The following NR2F1-AS1 variants were observed in gnomAD, a reference collection of about 807,000 sequenced individuals.
NR2F1-AS1 encodes NR2F1 antisense RNA 1.
At position 93,543,366 on chromosome 5, in the gene NR2F1-AS1, A is replaced by T. The variant is rs1047133116; in HGVS notation, n.638+10395T>A. ...TTTAAAAAATTAAATGGCATGATTGAAAATATCTCCAGGGATAGGAAACTA... is the reference window on the plus strand; with the variant it reads ...TTTAAAAAATTAAATGGCATGATTGTAAATATCTCCAGGGATAGGAAACTA... On this transcript the variant is annotated intron_variant and non_coding_transcript_variant, in intron 4 of 5. Transcript: ENST00000660523. 72 of 152,348 alleles carry T rather than the reference A, an allele frequency of 4.7e-4. 1 individual carries two copies. Among genetic ancestry groups the T allele is most frequent in the African/African-American group, 1.7e-3 (71 of 41,584 alleles). The allele number at this position is 152,348 out of a possible 1,614,324, so 9.4% of individuals were successfully genotyped here.
At chr5:93,491,879 C>T (rs552325928) in intron 4 of NR2F1-AS1, among the ~76,000 whole-genome samples, 7 of 152,290 alleles carry the variant, frequency 4.6e-5, no homozygotes, top group East Asian at 1.9e-4. Flanking sequence ...AATTGTACCA[C>T]GGGCTTTCTT....
chr5:93,555,173 T>C (rs1752325729), intron 2 of NR2F1-AS1, among the ~76,000 whole-genome samples: 1 of 152,164 alleles, frequency 6.6e-6, no homozygotes, highest in Non-Finnish European at 1.5e-5. Flanking sequence ...AAAGTTCCTC[T>C]TCATTTTGGT....
Position 93,465,582 on chromosome 5 carries a change from C to T in NR2F1-AS1, n.639-70040G>A, listed in dbSNP as rs1177613678. On this transcript the variant is annotated intron_variant and non_coding_transcript_variant, in intron 4 of 5. Coordinates refer to ENST00000660523, the Ensembl canonical transcript of NR2F1-AS1. ...CAGCCATCCCATTACTGGGTATATA[C>T]CCAAAGGATTATAAATCATGCTGCT... is the stretch of plus-strand genomic sequence containing the variant. 3.3e-5 allele frequency among the ~76,000 whole-genome samples: 5 copies of T among 152,150 alleles called. No homozygotes were observed. In the South Asian group the frequency reaches 8.3e-4, roughly 25 times the overall value.
At chr5:93,532,177 A>G (rs1751749897) in intron 4 of NR2F1-AS1, among the ~76,000 whole-genome samples, 2 of 152,158 alleles carry the variant, frequency 1.3e-5, no homozygotes, top group African/African-American at 2.4e-5. Context: ...TTTTCTGCCA[A>G]TATTTTTAAT....
intron 4 of NR2F1-AS1, among the ~76,000 whole-genome samples, chr5:93,413,877 T>A (rs762203222): frequency 6.6e-5 from 10 of 152,216 alleles, no homozygotes; most frequent in Non-Finnish European, 1.5e-4. Flanking sequence ...ATTTTATTTT[T>A]ATAAAGGCAT....
intron 4 of NR2F1-AS1, among the ~76,000 whole-genome samples, chr5:93,427,674 T>G (rs1439756657): frequency 6.6e-6 from 1 of 152,212 alleles, no homozygotes; most frequent in African/African-American, 2.4e-5. Context: ...GTAAATTCTT[T>G]GGTCTGTTCA....
chr5:93,458,980 C>G (rs1476448698), intron 4 of NR2F1-AS1, among the ~76,000 whole-genome samples: 2 of 152,016 alleles, frequency 1.3e-5, no homozygotes, highest in Non-Finnish European at 2.9e-5. Flanking sequence ...CCATTGCACT[C>G]CAGCCTGAGC....
chr5:93,531,917 ACT>A (rs1443541243), intron 4 of NR2F1-AS1, among the ~76,000 whole-genome samples: 1 of 152,168 alleles, frequency 6.6e-6, no homozygotes, highest in Non-Finnish European at 1.5e-5. Context: ...ATGAATTCCT[ACT>A]CTAAGCAAGA....
intron 4 of NR2F1-AS1, among the ~76,000 whole-genome samples, chr5:93,529,629 G>A (rs1407361765): frequency 1.3e-5 from 2 of 151,934 alleles, no homozygotes; most frequent in Non-Finnish European, 2.9e-5. Context: ...TTCATATAAA[G>A]GAAATATTGT....
At chr5:93,497,464 T>A (rs762076504) in intron 4 of NR2F1-AS1, among the ~76,000 whole-genome samples, 8 of 152,172 alleles carry the variant, frequency 5.3e-5, no homozygotes, top group Non-Finnish European at 8.8e-5. Flanking sequence ...TGCTCCGGTT[T>A]TCAACATGTG....
chr5:93,533,699 C>A (rs1196779543), intron 4 of NR2F1-AS1, among the ~76,000 whole-genome samples: 1 of 152,120 alleles, frequency 6.6e-6, no homozygotes, highest in Non-Finnish European at 1.5e-5. Flanking sequence ...TCAAACCACT[C>A]TATGAGATAG....
intron 4 of NR2F1-AS1, among the ~76,000 whole-genome samples, chr5:93,468,722 A>T (rs1750299696): frequency 1.3e-5 from 2 of 152,098 alleles, no homozygotes; most frequent in African/African-American, 2.4e-5. Flanking sequence ...GTCTTTGCCC[A>T]TGCCTATGTC....
intron 4 of NR2F1-AS1, among the ~76,000 whole-genome samples, chr5:93,524,369 A>C (rs1175227917): frequency 6.6e-6 from 1 of 152,180 alleles, no homozygotes; most frequent in Non-Finnish European, 1.5e-5. Flanking sequence ...AATAGACCAA[A>C]CCTGCGTTTG....
intron 4 of NR2F1-AS1, among the ~76,000 whole-genome samples, chr5:93,550,832 T>A (rs1172091825): frequency 6.6e-6 from 1 of 152,184 alleles, no homozygotes; most frequent in Non-Finnish European, 1.5e-5. Flanking sequence ...ACAGCATGTG[T>A]CAACTATCAA....
At chr5:93,483,137 C>G (rs1750638108) in intron 4 of NR2F1-AS1, among the ~76,000 whole-genome samples, 1 of 152,190 alleles carries the variant, frequency 6.6e-6, no homozygotes, top group African/African-American at 2.4e-5. Context: ...TCCCTGACCC[C>G]CATGCCTCCT....
intron 4 of NR2F1-AS1, among the ~76,000 whole-genome samples, chr5:93,534,680 C>G (rs993947530): frequency 6.6e-6 from 1 of 151,876 alleles, no homozygotes; most frequent in African/African-American, 2.4e-5. Flanking sequence ...AGGCCTATAC[C>G]CAAAGGATTA....
chr5:93,498,076 C>A (rs1319396769), intron 4 of NR2F1-AS1, among the ~76,000 whole-genome samples: 3 of 152,012 alleles, frequency 2.0e-5, no homozygotes, highest in African/African-American at 7.2e-5. Context: ...GTAATCCCAG[C>A]ACTTTAGGAG....
chr5:93,473,851 G>A (rs533847815), intron 4 of NR2F1-AS1, among the ~76,000 whole-genome samples: 1 of 151,752 alleles, frequency 6.6e-6, no homozygotes, highest in African/African-American at 2.4e-5. Context: ...ACCTACTCAT[G>A]GATACTTGAG....
At chr5:93,547,593 T>C (rs1752119284) in intron 4 of NR2F1-AS1, among the ~76,000 whole-genome samples, 1 of 152,226 alleles carries the variant, frequency 6.6e-6, no homozygotes, top group African/African-American at 2.4e-5. Context: ...TTAGTGCTTA[T>C]GTAATAAAAA....
Sources: gnomAD v4.1 joint callset for allele counts (sites outside exome capture counted in the v4.1 genomes callset) on GRCh38, gnomAD v4.1.1 for gene constraint, MANE v1.5 for transcripts, NCBI Gene and HGNC (gene_info 2026-07-23, HGNC 2026-07-21) for gene names.